Variants in SND1 observed in about 807,000 individuals in gnomAD.
The protein encoded by SND1 is staphylococcal nuclease domain-containing protein 1.
Under a neutral mutation model 121.7 loss-of-function variants are expected in SND1, and 38 were observed. The observed-to-expected ratio is 0.31, with a 90% CI of 0.24 to 0.41. The LOEUF (loss-of-function observed/expected upper bound fraction) is 0.41. SND1 is among the 10% of genes least tolerant of loss of function. The pLI is 1.00. For synonymous variants in SND1, 401 were observed against 447.4 expected (o/e 0.90, Z 1.31); for missense variants, 868 against 1,184.6 (o/e 0.73, Z 3.92).
intron 15 of SND1, among the ~76,000 whole-genome samples, chr7:127,941,992 T>C (rs117930773): frequency 1.4e-5 from 2 of 146,482 alleles, no homozygotes; most frequent in East Asian, 4.4e-4. Context: ...CATATCAAAA[T>C]AGGCATATTG....
At chr7:127,865,416 T>C (rs1340244019) in intron 12 of SND1, among the ~76,000 whole-genome samples, 1 of 152,230 alleles carries the variant, frequency 6.6e-6, no homozygotes, top group Non-Finnish European at 1.5e-5. Flanking sequence ...ACATTGTTTG[T>C]CTGTCTTTGG....
At chr7:127,960,505 A>G (rs1301491714) in intron 15 of SND1, among the ~76,000 whole-genome samples, 1 of 152,214 alleles carries the variant, frequency 6.6e-6, no homozygotes, top group African/African-American at 2.4e-5. Context: ...AGTCATCTAG[A>G]AAAGGGTGGA....
intron 16 of SND1, among the ~76,000 whole-genome samples, chr7:128,068,122 T>A (rs1793348431): frequency 6.6e-6 from 1 of 152,032 alleles, no homozygotes; most frequent in Admixed American, 6.5e-5. Flanking sequence ...GGCTGCAGGC[T>A]CCAGGCGAGT....
intron 12 of SND1, among the ~76,000 whole-genome samples, chr7:127,853,669 C>T (rs1039061632): frequency 1.3e-5 from 2 of 152,148 alleles, no homozygotes; most frequent in African/African-American, 4.8e-5. Context: ...TTTACTAGTG[C>T]CTGGGCTTCA....
At position 127,880,142 on chromosome 7, in the gene SND1, G is replaced by A. The variant is rs780017993; in HGVS notation, c.1344-7760G>A. ...CTTCCAGCGTAGGCTATGAATCATCGCTTTCTCCACTGTATCCAGATTGTA... is the reference window on the plus strand; with the variant it reads ...CTTCCAGCGTAGGCTATGAATCATCACTTTCTCCACTGTATCCAGATTGTA... On this transcript the variant is annotated intron_variant, in intron 12 of 23. Coordinates refer to ENST00000354725, the MANE Select transcript of SND1 (RefSeq NM_014390.4). 7.9e-5 allele frequency among the ~76,000 whole-genome samples: 12 copies of A among 152,156 alleles called. 1 individual carries two copies. The South Asian group carries it at 8.3e-4, about 11-fold the overall frequency.
chr7:127,929,217 T>A lies in SND1; in HGVS notation c.1557T>A (p.Pro519=). ...GDTQKAKQFL[P]FLQRAGRSEA... ...CCCAAAAAGCAAAGCAGTTCCTGCC[T>A]TTTCTTCAGCGGGCAGGTCGTTCTG... The change falls in exon 15 of 24, where the codon CCT becomes CCA. Residue 519 remains proline, a synonymous_variant. Transcript: ENST00000354725. The A allele has an allele frequency of 6.2e-7, 1 of 1,614,072 alleles. No individual in the cohort carries two copies. Among genetic ancestry groups the A allele is most frequent in the Non-Finnish European group, 8.5e-7 (1 of 1,179,928 alleles).
chr7:127,729,043 C>T (rs1194936506), intron 10 of SND1, among the ~76,000 whole-genome samples: 1 of 152,006 alleles, frequency 6.6e-6, no homozygotes, highest in Non-Finnish European at 1.5e-5. Flanking sequence ...ACTCGCCCTG[C>T]CTCTCTCTGT....
rs144610774 is a variant in SND1 at position 128,047,390 on chromosome 7, A to G, written c.1780-27112A>G. 1.7e-4 allele frequency among the ~76,000 whole-genome samples: 26 copies of G among 152,310 alleles called. 1 individual carries two copies. The East Asian group carries it at 5.0e-3, about 29-fold the overall frequency. On this transcript the variant is annotated intron_variant, in intron 16 of 23. Coordinates refer to ENST00000354725, the MANE Select transcript of SND1 (RefSeq NM_014390.4). Reference sequence around the variant, plus strand: ...TCCAAACTTCAGATATTTTTATACCATGCCTGTGCTTTAGCCAAATCCAGG... The same window carrying G: ...TCCAAACTTCAGATATTTTTATACCGTGCCTGTGCTTTAGCCAAATCCAGG...
intron 10 of SND1, among the ~76,000 whole-genome samples, chr7:127,802,722 A>C (rs1798157789): frequency 6.6e-6 from 1 of 151,730 alleles, no homozygotes. Flanking sequence ...CAACATCTCC[A>C]CTCAGGTATC....
intron 11 of SND1, among the ~76,000 whole-genome samples, chr7:127,807,984 G>C (rs773622884): frequency 6.6e-6 from 1 of 152,086 alleles, no homozygotes; most frequent in Non-Finnish European, 1.5e-5. Flanking sequence ...TGGCTATAAG[G>C]GGAAGAGGGG....
intron 9 of SND1, among the ~76,000 whole-genome samples, chr7:127,715,844 A>G (rs1796379169): frequency 6.6e-6 from 1 of 152,084 alleles, no homozygotes. Context: ...TTGTAGTTTT[A>G]TAGGTCTTAT....
At chr7:128,032,110 T>C (rs1442348227) in intron 16 of SND1, 1 of 151,948 alleles carries the variant, frequency 6.6e-6, no homozygotes, top group Admixed American at 6.6e-5. Context: ...GTGAATGTAC[T>C]GCTGACGCAT....
At chr7:127,970,756 CATGTGAT>C (rs1183690402) in intron 15 of SND1, among the ~76,000 whole-genome samples, 1 of 152,098 alleles carries the variant, frequency 6.6e-6, no homozygotes, top group African/African-American at 2.4e-5. Flanking sequence ...TTTGTCCTCT[CATGTGAT>C]ATGTATATTA....
chr7:127,877,005 C>T (rs1326269388), intron 12 of SND1, among the ~76,000 whole-genome samples: 1 of 152,056 alleles, frequency 6.6e-6, no homozygotes, highest in African/African-American at 2.4e-5. Flanking sequence ...ATTTAATATG[C>T]CCTGCATACT....
chr7:127,812,449 C>A (rs1798350903), intron 11 of SND1, among the ~76,000 whole-genome samples: 1 of 152,176 alleles, frequency 6.6e-6, no homozygotes, highest in South Asian at 2.1e-4. Flanking sequence ...CCTAAATATA[C>A]AGACAATGTG....
At chr7:127,924,389 G>A (rs1301670622) in intron 14 of SND1, among the ~76,000 whole-genome samples, 2 of 152,144 alleles carry the variant, frequency 1.3e-5, no homozygotes, top group Non-Finnish European at 2.9e-5. Flanking sequence ...AATCCTGAGT[G>A]GTTAATTGTT....
At chr7:128,002,192 A>C (rs1423792839) in intron 16 of SND1, among the ~76,000 whole-genome samples, 2 of 152,200 alleles carry the variant, frequency 1.3e-5, no homozygotes, top group African/African-American at 4.8e-5. Flanking sequence ...CCAGTCAGTC[A>C]CCGCGCTGCT....
Position 128,022,846 on chromosome 7 carries a change from G to A in SND1, c.1779+31790G>A, listed in dbSNP as rs183705269. 3.3e-5 allele frequency among the ~76,000 whole-genome samples: 5 copies of A among 152,238 alleles called. No individual in the cohort carries two copies. The East Asian group carries it at 9.7e-4, about 29-fold the overall frequency. On this transcript the variant is annotated intron_variant, in intron 16 of 23. Transcript: ENST00000354725. The stretch of plus-strand genomic sequence containing the variant: ...AAGCAGTGGACAGCCTCCAGGATAG[G>A]GAACAGGACTGTTGTGGGTAGGTGG...
At chr7:127,820,031 AC>A (rs976112460) in intron 11 of SND1, among the ~76,000 whole-genome samples, 10 of 152,062 alleles carry the variant, frequency 6.6e-5, no homozygotes. Context: ...CCTTCTCCCA[AC>A]CCCTACAAGC....
Sources: allele counts gnomAD v4.1 joint callset (sites outside exome capture counted in the v4.1 genomes callset), GRCh38; gene constraint gnomAD v4.1.1; transcripts MANE v1.5; gene names NCBI Gene and HGNC (gene_info 2026-07-23, HGNC 2026-07-21).